The following SOX6 variants were observed in gnomAD, a reference collection of about 807,000 sequenced individuals.
SOX6 encodes the protein transcription factor SOX-6.
SOX6 carries 11 observed loss-of-function variants against 97.8 expected under a neutral mutation model. That is an observed-to-expected ratio of 0.11 (90% CI 0.07 to 0.19). The LOEUF is 0.19. SOX6 is among the 10% of genes least tolerant of loss of function. The pLI is 1.00. For synonymous variants in SOX6, 360 were observed against 371.4 expected (o/e 0.97, Z 0.35); for missense variants, 810 against 1,039.5 (o/e 0.78, Z 3.04).
At chr11:16,402,888 T>C (rs1858599290) in intron 1 of SOX6, 2 of 1,506,184 alleles carry the variant, frequency 1.3e-6, no homozygotes, top group Non-Finnish European at 1.8e-6. Context: ...TCAGTTGGGC[T>C]GAATTCCAGA....
At chr11:16,643,989 C>A (rs1268770548) in intron 3 of SOX6, among the ~76,000 whole-genome samples, 1 of 152,236 alleles carries the variant, frequency 6.6e-6, no homozygotes. Flanking sequence ...AATCATCCAT[C>A]TTCTGCATCG....
At chr11:16,540,853 T>C (rs1861395278) in intron 4 of SOX6, among the ~76,000 whole-genome samples, 1 of 152,198 alleles carries the variant, frequency 6.6e-6, no homozygotes, top group African/African-American at 2.4e-5. Flanking sequence ...CACTCCATGC[T>C]CATGGGTAGG....
intron 9 of SOX6, among the ~76,000 whole-genome samples, chr11:16,085,121 T>G (rs1848550247): frequency 6.6e-6 from 1 of 152,180 alleles, no homozygotes. Flanking sequence ...ATGAATGTAC[T>G]GCCTCTTGGG....
chr11:16,402,155 T>C (rs1223877253), intron 1 of SOX6, among the ~76,000 whole-genome samples: 1 of 151,560 alleles, frequency 6.6e-6, no homozygotes, highest in Non-Finnish European at 1.5e-5. Flanking sequence ...GTATTCACTC[T>C]TTTTCTATTG....
intron 9 of SOX6, among the ~76,000 whole-genome samples, chr11:16,070,990 T>C (rs1848210658): frequency 6.6e-6 from 1 of 152,240 alleles, no homozygotes; most frequent in South Asian, 2.1e-4. Context: ...AGGTCACAGT[T>C]GTGGTGCCTG....
At chr11:16,466,789 G>A (rs1860042581) in intron 1 of SOX6, among the ~76,000 whole-genome samples, 1 of 150,230 alleles carries the variant, frequency 6.7e-6, no homozygotes, top group Non-Finnish European at 1.5e-5. Context: ...AAATTAGCCG[G>A]GCGTAGTGGC....
chr11:16,213,082 CT>C (rs559920961), intron 4 of SOX6, among the ~76,000 whole-genome samples: 454 of 151,998 alleles, frequency 3.0e-3, no homozygotes, highest in Admixed American at 6.6e-3. Context: ...ACTTTTGTAC[CT>C]TTGGTTAATT....
chr11:16,291,873 T>C (rs571467000), intron 3 of SOX6, among the ~76,000 whole-genome samples: 28 of 152,134 alleles, frequency 1.8e-4, no homozygotes, highest in Middle Eastern at 3.4e-3. Context: ...ATGGAAGGAT[T>C]AACAATGGAG....
At chr11:16,032,123 AC>A (rs1459640101) in intron 12 of SOX6, among the ~76,000 whole-genome samples, 3 of 152,182 alleles carry the variant, frequency 2.0e-5, no homozygotes, top group Non-Finnish European at 4.4e-5. Context: ...AGTCACAAGC[AC>A]ACAATCAATG....
chr11:16,308,310 A>C (rs1855497096), intron 3 of SOX6, among the ~76,000 whole-genome samples: 1 of 152,242 alleles, frequency 6.6e-6, no homozygotes, highest in Non-Finnish European at 1.5e-5. Context: ...GTAAACTCTA[A>C]AATTTGGATA....
At chr11:16,308,809 T>C (rs1467008256) in intron 3 of SOX6, among the ~76,000 whole-genome samples, 1 of 152,168 alleles carries the variant, frequency 6.6e-6, no homozygotes, top group Non-Finnish European at 1.5e-5. Flanking sequence ...CACAGTCCAG[T>C]AGAAGAACGA....
intron 4 of SOX6, among the ~76,000 whole-genome samples, chr11:16,555,580 T>C (rs1234934536): frequency 6.6e-6 from 1 of 151,686 alleles, no homozygotes; most frequent in African/African-American, 2.4e-5. Context: ...AAATCTTCTC[T>C]TCTTGCTATT....
At chr11:16,428,242 G>A (rs1287722998) in intron 1 of SOX6, among the ~76,000 whole-genome samples, 4 of 152,034 alleles carry the variant, frequency 2.6e-5, no homozygotes, top group African/African-American at 7.2e-5. Flanking sequence ...TGTCAGATGA[G>A]TAGGTTGCAA....
intron 4 of SOX6, among the ~76,000 whole-genome samples, chr11:16,572,302 T>C (rs931576754): frequency 2.0e-5 from 3 of 152,212 alleles, no homozygotes; most frequent in African/African-American, 7.2e-5. Flanking sequence ...ATTGTGCTTC[T>C]AAAATTAACT....
rs561891498 is a variant in SOX6 at position 16,577,571 on chromosome 11, A to G, written n.609+34510T>C. On this transcript the variant is annotated intron_variant and non_coding_transcript_variant, in intron 4 of 5. Transcript: ENST00000524520. ...GGTTCCAATTTCCAATGAATGTTCC[A>G]CCTTTGCCAACATTTTTTAGTTTCT... 1.7e-4 allele frequency among the ~76,000 whole-genome samples: 26 copies of G among 152,176 alleles called. No individual in the cohort carries two copies. The East Asian group carries it at 3.9e-3, about 23-fold the overall frequency.
intron 4 of SOX6, among the ~76,000 whole-genome samples, chr11:16,542,293 A>G (rs1267291658): frequency 6.6e-6 from 1 of 152,104 alleles, no homozygotes; most frequent in African/African-American, 2.4e-5. Flanking sequence ...GGCAGGGAAC[A>G]TCACACACTG....
rs117288297 is a variant in SOX6, at chr11:16,118,185, G to A, written c.778-6262C>T. Among the ~76,000 whole-genome samples, 33 of 152,248 alleles carry A rather than the reference G, an allele frequency of 2.2e-4. No homozygotes were observed. The East Asian group carries it at 3.9e-3, about 18-fold the overall frequency. ...TAATTTGAATGACTACCAAGTAACC[G>A]GAAACCCCATCACGGGTGAAGCTTA... On this transcript the variant is annotated intron_variant, in intron 6 of 15. Transcript: ENST00000683767.
Position 16,384,593 on chromosome 11 carries a change from TA to T in SOX6, c.-4-43342del, listed in dbSNP as rs888175308. Among the ~76,000 whole-genome samples, 77 of 149,992 alleles carry T rather than the reference TA, an allele frequency of 5.1e-4. No homozygotes were observed. The South Asian group carries it at 8.4e-3, about 16-fold the overall frequency. On this transcript the variant is annotated intron_variant, in intron 1 of 15. Transcript: ENST00000396356. The stretch of plus-strand genomic sequence containing the variant: ...TTCTGACACACCCTCAATTTTAGAG[TA>T]AAAAAAAATGTTTAAACAACTCTAG...
intron 4 of SOX6, among the ~76,000 whole-genome samples, chr11:16,604,629 A>G (rs1848312390): frequency 6.6e-6 from 1 of 152,130 alleles, no homozygotes; most frequent in South Asian, 2.1e-4. Flanking sequence ...GCTTCGGGCC[A>G]CCTCTAGCCC....
Sources: allele counts gnomAD v4.1 joint callset (sites outside exome capture counted in the v4.1 genomes callset), GRCh38; gene constraint gnomAD v4.1.1; transcripts MANE v1.5; gene names NCBI Gene and HGNC (gene_info 2026-07-23, HGNC 2026-07-21).